The following NDST4 variants were observed in gnomAD, a reference collection of about 807,000 sequenced individuals.
The protein encoded by NDST4 is N-deacetylase and N-sulfotransferase 4.
NDST4 carries 63 observed loss-of-function variants against 100.8 expected under a neutral mutation model. The observed-to-expected ratio is 0.62, with a 90% CI of 0.51 to 0.77. The LOEUF (loss-of-function observed/expected upper bound fraction) is 0.77, where lower values mean the gene tolerates loss of function less well. Ranked by LOEUF, NDST4 falls within the 30% of genes least tolerant of loss-of-function variation. NDST4 has a pLI of 0.00. For missense variants in NDST4, 943 were observed against 1,018.4 expected, an observed-to-expected ratio of 0.93 and a Z score of 1.01; for synonymous variants, 377 against 361.8, an observed-to-expected ratio of 1.04 and a Z score of -0.48.
intron 2 of NDST4, among the ~76,000 whole-genome samples, chr4:115,023,102 G>T (rs984323482): frequency 1.3e-5 from 2 of 152,076 alleles, no homozygotes; most frequent in African/African-American, 4.8e-5. Flanking sequence ...GGGTGGGAAG[G>T]GGGTGAGGGC....
chr4:115,022,764 C>G (rs529545839), intron 2 of NDST4, among the ~76,000 whole-genome samples: 3 of 152,012 alleles, frequency 2.0e-5, no homozygotes, highest in Non-Finnish European at 4.4e-5. Context: ...CTGTGCTGGT[C>G]TCATGATCGT....
rs1166404014 is a variant in NDST4, at chr4:115,076,763, C to T, written c.274G>A (p.Gly92Ser). The T allele has an allele frequency of 1.1e-5, 17 of 1,613,912 alleles. No homozygotes were observed. The highest frequency in any genetic ancestry group is 1.7e-5 in the Admixed American group (1 of 59,994). The part of the protein sequence containing the change: ...LFVESQYSQL[G>S]QDIIAILESS... The stretch of plus-strand genomic sequence containing the variant: ...TCCAAAATAGCTATGATATCTTGAC[C>T]GAGTTGAGAGTATTGGCTCTCCACG... The change falls in exon 2 of 14, where the codon GGT becomes AGT. Residue 92 changes from glycine (G) to serine (S), a missense_variant. Physicochemically the swap from Gly to Ser is moderately conservative, Grantham distance 56 (BLOSUM62 0). This residue lies in a region of NDST4 where 417 missense variants were observed against 384.2 expected (regional missense o/e 1.09). Coordinates refer to ENST00000264363, the MANE Select transcript of NDST4 (RefSeq NM_022569.3).
intron 6 of NDST4, among the ~76,000 whole-genome samples, chr4:114,888,351 G>A (rs1724523101): frequency 6.6e-6 from 1 of 152,048 alleles, no homozygotes; most frequent in Admixed American, 6.6e-5. Context: ...TGATACACCT[G>A]AGAAGTATAA....
chr4:115,069,805 C>T (rs990714092), intron 2 of NDST4, among the ~76,000 whole-genome samples: 1 of 152,280 alleles, frequency 6.6e-6, no homozygotes, highest in East Asian at 1.9e-4. Flanking sequence ...ATTGCTTGAA[C>T]CTGGGAGGTG....
chr4:114,861,341 CAT>C (rs1454146369), intron 7 of NDST4, among the ~76,000 whole-genome samples: 6 of 152,162 alleles, frequency 3.9e-5, no homozygotes, highest in Non-Finnish European at 7.4e-5. Context: ...ATATTTATCT[CAT>C]GTGGTTGTTG....
At chr4:115,075,451 G>A (rs890541228) in intron 2 of NDST4, among the ~76,000 whole-genome samples, 1 of 152,078 alleles carries the variant, frequency 6.6e-6, no homozygotes, top group African/African-American at 2.4e-5. Context: ...TAATAAGGGA[G>A]GTTGTTCTAA....
chr4:115,012,612 A>G (rs895770758), intron 2 of NDST4, among the ~76,000 whole-genome samples: 1 of 152,034 alleles, frequency 6.6e-6, no homozygotes, highest in African/African-American at 2.4e-5. Flanking sequence ...AATTTTGCCA[A>G]CTATATTTGG....
chr4:115,018,970 T>G (rs1223154706), intron 2 of NDST4, among the ~76,000 whole-genome samples: 2 of 152,016 alleles, frequency 1.3e-5, no homozygotes, highest in African/African-American at 4.8e-5. Flanking sequence ...AATAATTATC[T>G]TGGAGACAAC....
At chr4:115,043,213 A>G (rs2126275194) in intron 2 of NDST4, among the ~76,000 whole-genome samples, 1 of 152,200 alleles carries the variant, frequency 6.6e-6, no homozygotes, top group Middle Eastern at 3.4e-3. Context: ...TATGCAAAAT[A>G]TTGGTTGTCA....
intron 1 of NDST4, among the ~76,000 whole-genome samples, chr4:115,080,585 A>T (rs182347399): frequency 7.2e-5 from 11 of 152,264 alleles, no homozygotes; most frequent in African/African-American, 2.2e-4. Flanking sequence ...TATATAAAGC[A>T]ATTATATTAT....
chr4:114,898,232 G>A (rs77386489), intron 6 of NDST4, among the ~76,000 whole-genome samples: 1,937 of 152,214 alleles, frequency 0.013, 42 homozygotes, highest in African/African-American at 0.044. Context: ...GTTAATTTTT[G>A]TGAAGGATAT....
Position 114,940,955 on chromosome 4 carries a change from G to A in NDST4, c.1222-3452C>T, listed in dbSNP as rs116314209. Among the ~76,000 whole-genome samples the A allele has an allele frequency of 4.6e-3, 706 of 152,156 alleles. 4 individuals are homozygous for A. The highest frequency in any genetic ancestry group is 0.016 in the African/African-American group (682 of 41,518). ...CAGTGGTGGAGCCTGGGGTTTTTAT[G>A]GGTACAGGATGGGGTGTGGGGCAGG... On this transcript the variant is annotated intron_variant, in intron 4 of 13. Transcript: ENST00000264363.
intron 3 of NDST4, among the ~76,000 whole-genome samples, chr4:114,971,940 T>C (rs887721826): frequency 1.3e-5 from 2 of 152,046 alleles, no homozygotes; most frequent in African/African-American, 4.8e-5. Context: ...TAAATACCTG[T>C]TTTACAGGGT....
chr4:115,078,524 G>A (rs577690896), intron 1 of NDST4, among the ~76,000 whole-genome samples: 2 of 152,230 alleles, frequency 1.3e-5, no homozygotes, highest in South Asian at 2.1e-4. Context: ...CCCCTGCCCT[G>A]TGGATCTGTG....
chr4:114,886,472 T>C (rs1208048852), intron 6 of NDST4, among the ~76,000 whole-genome samples: 1 of 152,164 alleles, frequency 6.6e-6, no homozygotes, highest in Admixed American at 6.5e-5. Flanking sequence ...AGTTATTCAT[T>C]ATTTTGTGTG....
chr4:115,059,732 A>T (rs1176130639), intron 2 of NDST4, among the ~76,000 whole-genome samples: 1 of 152,004 alleles, frequency 6.6e-6, no homozygotes, highest in East Asian at 1.9e-4. Flanking sequence ...TCTATTCTCC[A>T]CTAGCCTTAG....
At chr4:115,111,614 T>A (rs911810159) in intron 1 of NDST4, among the ~76,000 whole-genome samples, 4 of 151,716 alleles carry the variant, frequency 2.6e-5, no homozygotes, top group Non-Finnish European at 5.9e-5. Context: ...TTTAAAAAAT[T>A]CAAATTTTCA....
At chr4:115,079,049 T>G (rs1414696628) in intron 1 of NDST4, among the ~76,000 whole-genome samples, 5 of 151,882 alleles carry the variant, frequency 3.3e-5, no homozygotes, top group African/African-American at 1.2e-4. Context: ...AAAAAAAAAT[T>G]TCCCATTATA....
chr4:114,852,039 G>T (rs1723688835), intron 8 of NDST4, among the ~76,000 whole-genome samples: 2 of 152,108 alleles, frequency 1.3e-5, no homozygotes, highest in South Asian at 4.1e-4. Context: ...CAGGACATGA[G>T]CAAAGTGTAT....
Sources: gnomAD v4.1 joint callset for allele counts (sites outside exome capture counted in the v4.1 genomes callset) on GRCh38, gnomAD v4.1.1 for gene constraint, gnomAD v4.1.1 regional missense constraint, MANE v1.5 for transcripts, NCBI Gene and HGNC (gene_info 2026-07-23, HGNC 2026-07-21) for gene names.